Variants in VMP1 observed in about 807,000 individuals in gnomAD.
VMP1 encodes the protein vacuole membrane protein 1.
Under a neutral mutation model 56.0 loss-of-function variants are expected in VMP1, and 11 were observed. The observed-to-expected ratio is 0.20, with a 90% confidence interval of 0.12 to 0.32. The LOEUF (loss-of-function observed/expected upper bound fraction) is 0.32, where lower values mean the gene tolerates loss of function less well. Among genes scored for constraint, VMP1 ranks in the 10% least tolerant of loss-of-function variants. VMP1 has a pLI of 1.00. For missense variants in VMP1, 296 were observed against 490.3 expected, an observed-to-expected ratio of 0.60 and a Z score of 3.74; for synonymous variants, 149 against 165.0, an observed-to-expected ratio of 0.90 and a Z score of 0.74.
chr17:59,749,105 A>G (rs1598334356), intron 5 of VMP1, among the ~76,000 whole-genome samples: 1 of 148,742 alleles, frequency 6.7e-6, no homozygotes, highest in African/African-American at 2.5e-5. Context: ...GCCCGCTACT[A>G]CGCCTGGCTA....
intron 1 of VMP1, among the ~76,000 whole-genome samples, chr17:59,709,747 G>A (rs2033833321): frequency 1.3e-5 from 2 of 152,156 alleles, no homozygotes; most frequent in South Asian, 4.1e-4. Context: ...TGGAAAATGA[G>A]TATAGTTTTG....
intron 2 of VMP1, among the ~76,000 whole-genome samples, chr17:59,734,208 A>G (rs2143815183): frequency 6.6e-6 from 1 of 152,310 alleles, no homozygotes; most frequent in East Asian, 1.9e-4. Flanking sequence ...GTTGTTCTCT[A>G]GGTAACACTG....
intron 2 of VMP1, among the ~76,000 whole-genome samples, chr17:59,732,809 A>G (rs549468918): frequency 2.8e-4 from 43 of 152,284 alleles, no homozygotes; most frequent in African/African-American, 1.0e-3. Context: ...TAGCATGTCA[A>G]ACTTACTCTT....
At chr17:59,739,239 C>A (rs2035123269) in intron 5 of VMP1, among the ~76,000 whole-genome samples, 1 of 152,164 alleles carries the variant, frequency 6.6e-6, no homozygotes, top group South Asian at 2.1e-4. Context: ...ATTGCTTAAG[C>A]AATTGTTATT....
intron 5 of VMP1, among the ~76,000 whole-genome samples, chr17:59,761,114 G>A (rs1313041389): frequency 6.6e-6 from 1 of 151,486 alleles, no homozygotes. Flanking sequence ...TGTTGGCCAG[G>A]CTAGTCTCGA....
At chr17:59,781,633 A>G (rs1035112971) in intron 7 of VMP1, among the ~76,000 whole-genome samples, 4 of 152,176 alleles carry the variant, frequency 2.6e-5, no homozygotes, top group African/African-American at 9.6e-5. Context: ...TTTGAATCTA[A>G]AAACGTGAAC....
At chr17:59,816,561 T>C (rs2038238096) in intron 9 of VMP1, among the ~76,000 whole-genome samples, 1 of 152,078 alleles carries the variant, frequency 6.6e-6, no homozygotes, top group East Asian at 1.9e-4. Flanking sequence ...AATCCCGCAC[T>C]TTGGGAGGCT....
chr17:59,771,097 A>G (rs1213852514), intron 6 of VMP1, among the ~76,000 whole-genome samples: 1 of 150,368 alleles, frequency 6.7e-6, no homozygotes, highest in Admixed American at 6.6e-5. Flanking sequence ...ACCATGGATG[A>G]TTTTTTATTA....
At chr17:59,782,398 T>G (rs1330162136) in intron 7 of VMP1, among the ~76,000 whole-genome samples, 2 of 152,248 alleles carry the variant, frequency 1.3e-5, no homozygotes, top group Non-Finnish European at 2.9e-5. Context: ...TTTGTTGTTC[T>G]AATTTGCATC....
chr17:59,782,199 G>A (rs767204414), intron 7 of VMP1, among the ~76,000 whole-genome samples: 3 of 152,110 alleles, frequency 2.0e-5, no homozygotes, highest in African/African-American at 7.2e-5. Flanking sequence ...ATGAGCCACC[G>A]CACCTGGCCT....
chr17:59,822,901 ACT>A (rs778659816), intron 10 of VMP1, among the ~76,000 whole-genome samples: 7 of 151,798 alleles, frequency 4.6e-5, no homozygotes, highest in African/African-American at 7.3e-5. Flanking sequence ...ACATAGTAAG[ACT>A]CTGTCTGTCT....
intron 10 of VMP1, among the ~76,000 whole-genome samples, chr17:59,831,198 G>T (rs1279134467): frequency 6.6e-6 from 1 of 152,094 alleles, no homozygotes; most frequent in Non-Finnish European, 1.5e-5. Flanking sequence ...GAGAGACAGG[G>T]TCTTGCTCTT....
chr17:59,738,831 T>C lies in VMP1; in HGVS notation c.304-6T>C. 6.2e-7 allele frequency: 1 copy of C among 1,604,300 alleles called. No individual in the cohort carries two copies. Among genetic ancestry groups the C allele is most frequent in the Non-Finnish European group, 8.5e-7 (1 of 1,172,872 alleles). On this transcript the variant is annotated splice_region_variant and splice_polypyrimidine_tract_variant and intron_variant, in intron 4 of 11. Transcript: ENST00000262291. ...TCACGGTTTTCACCTCATCCCTTTT[T>C]TTCAGTATGTGCAACGTATAGAGAA...
At chr17:59,773,209 C>G (rs2036499683) in intron 6 of VMP1, among the ~76,000 whole-genome samples, 1 of 151,842 alleles carries the variant, frequency 6.6e-6, no homozygotes, top group South Asian at 2.1e-4. Flanking sequence ...ATCCGCCCGC[C>G]TCGCCCTCCC....
chr17:59,759,732 A>C (rs1011867489), intron 5 of VMP1, among the ~76,000 whole-genome samples: 13 of 152,058 alleles, frequency 8.5e-5, no homozygotes, highest in African/African-American at 3.1e-4. Context: ...TGTCTGCCTG[A>C]ATTTATACAT....
intron 7 of VMP1, among the ~76,000 whole-genome samples, chr17:59,785,503 G>A (rs115891857): frequency 1.4e-3 from 209 of 151,980 alleles, no homozygotes; most frequent in African/African-American, 4.8e-3. Flanking sequence ...GTGAAACCTT[G>A]TAAAAATACA....
chr17:59,782,663 A>G (rs2036865239), intron 7 of VMP1, among the ~76,000 whole-genome samples: 1 of 152,228 alleles, frequency 6.6e-6, no homozygotes, highest in Non-Finnish European at 1.5e-5. Context: ...GAAAAGTTGA[A>G]TCAACTGTAG....
At chr17:59,833,164 G>C (rs1387290788) in intron 10 of VMP1, among the ~76,000 whole-genome samples, 1 of 151,834 alleles carries the variant, frequency 6.6e-6, no homozygotes, top group African/African-American at 2.4e-5. Context: ...TCTTGCTTCT[G>C]GTCTGCTGCT....
intron 5 of VMP1, among the ~76,000 whole-genome samples, chr17:59,747,053 A>G (rs1268707238): frequency 1.3e-5 from 2 of 152,206 alleles, no homozygotes; most frequent in Non-Finnish European, 2.9e-5. Flanking sequence ...AATACAGCCA[A>G]TATACTGTTG....
Sources: allele counts gnomAD v4.1 joint callset (sites outside exome capture counted in the v4.1 genomes callset), GRCh38; gene constraint gnomAD v4.1.1; transcripts MANE v1.5; gene names NCBI Gene and HGNC (gene_info 2026-07-23, HGNC 2026-07-21).